The following IL1RAPL2 variants were observed in gnomAD, a reference collection of about 807,000 sequenced individuals.
IL1RAPL2 encodes X-linked interleukin-1 receptor accessory protein-like 2.
In IL1RAPL2, 3 loss-of-function variants were observed where a neutral mutation model predicts 44.1. The observed-to-expected ratio is 0.07, with a 90% CI of 0.03 to 0.18. The LOEUF is 0.18. IL1RAPL2 is among the 10% of genes least tolerant of loss of function. The probability of loss-of-function intolerance (pLI) is 1.00; values close to 1 mark genes in which losing one functional copy is unlikely to be tolerated. For missense variants in IL1RAPL2, 391 were observed against 496.4 expected (o/e 0.79, Z 2.02); for synonymous variants, 181 against 178.8 (o/e 1.01, Z -0.10).
At chrX:105,269,523 T>C (rs1799085928) in intron 5 of IL1RAPL2, among the ~76,000 whole-genome samples, 1 of 111,657 alleles carries the variant, frequency 9.0e-6, no homozygotes, top group Non-Finnish European at 1.9e-5. Context: ...TTGATTAGAA[T>C]TGCATGTTCT....
At chrX:105,491,867 A>G (rs2036321893) in intron 6 of IL1RAPL2, among the ~76,000 whole-genome samples, 1 of 111,857 alleles carries the variant, frequency 8.9e-6, no homozygotes, top group Non-Finnish European at 1.9e-5. Flanking sequence ...TGAGATTTTT[A>G]AGAATGAAAT....
At chrX:104,752,323 G>T (rs1932273404) in intron 2 of IL1RAPL2, among the ~76,000 whole-genome samples, 1 of 109,769 alleles carries the variant, frequency 9.1e-6, no homozygotes, top group Admixed American at 9.8e-5. Flanking sequence ...GGCTCTAATT[G>T]ATTTTGAAAA....
At chrX:104,766,071 T>G (rs1341185579) in intron 2 of IL1RAPL2, among the ~76,000 whole-genome samples, 1 of 112,390 alleles carries the variant, frequency 8.9e-6, no homozygotes, top group African/African-American at 3.2e-5. Context: ...ACTGTCTGCA[T>G]TGGCACAGTC....
chrX:104,950,882 G>A (rs1466587704), intron 2 of IL1RAPL2, among the ~76,000 whole-genome samples: 2 of 110,938 alleles, frequency 1.8e-5, no homozygotes, highest in Non-Finnish European at 3.8e-5. Flanking sequence ...TAATTCTGGT[G>A]CGCTGTTTTT....
chrX:104,837,665 C>T (rs1466905447), intron 2 of IL1RAPL2, among the ~76,000 whole-genome samples: 2 of 111,781 alleles, frequency 1.8e-5, no homozygotes, highest in East Asian at 5.6e-4. Flanking sequence ...AATTTTCTCC[C>T]ATTCTGTAGG....
At chrX:105,341,205 T>G (rs2035067424) in intron 5 of IL1RAPL2, among the ~76,000 whole-genome samples, 1 of 111,724 alleles carries the variant, frequency 9.0e-6, no homozygotes. Context: ...CATACATACT[T>G]GCAATTGCTT....
chrX:105,392,979 A>G (rs2035537627), intron 5 of IL1RAPL2, among the ~76,000 whole-genome samples: 1 of 112,656 alleles, frequency 8.9e-6, no homozygotes, highest in Non-Finnish European at 1.9e-5. Context: ...AATTAGAACT[A>G]ATGTACTAGC....
intron 2 of IL1RAPL2, among the ~76,000 whole-genome samples, chrX:104,716,594 G>A (rs985148446): frequency 2.5e-4 from 27 of 110,131 alleles, no homozygotes; most frequent in African/African-American, 4.9e-4. Context: ...AAACAATCCC[G>A]TTAAAAAATA....
chrX:104,582,608 C>CTT (rs1491085914), intron 1 of IL1RAPL2, among the ~76,000 whole-genome samples: 7 of 32,901 alleles, frequency 2.1e-4, no homozygotes, highest in African/African-American at 6.6e-4. Flanking sequence ...TTCTTTCTTT[C>CTT]TTTCTTTCTT....
chrX:104,737,419 G>A (rs746846597), intron 2 of IL1RAPL2, among the ~76,000 whole-genome samples: 11 of 112,171 alleles, frequency 9.8e-5, no homozygotes, highest in African/African-American at 3.5e-4. Flanking sequence ...ACAATTCACA[G>A]CCCAATTGAT....
At chrX:104,739,662 A>G (rs747437523) in intron 2 of IL1RAPL2, among the ~76,000 whole-genome samples, 1 of 112,147 alleles carries the variant, frequency 8.9e-6, no homozygotes, top group African/African-American at 3.2e-5. Flanking sequence ...AGAGAAAGGC[A>G]AGTAAGAAAG....
intron 6 of IL1RAPL2, among the ~76,000 whole-genome samples, chrX:105,683,287 C>G (rs763524468): frequency 8.9e-6 from 1 of 111,956 alleles, no homozygotes; most frequent in Admixed American, 9.5e-5. Context: ...CATAACTTTT[C>G]AAACTCAGGT....
At chrX:105,652,173 A>ACACAAC (rs2147843565) in intron 6 of IL1RAPL2, among the ~76,000 whole-genome samples, 1 of 111,848 alleles carries the variant, frequency 8.9e-6, no homozygotes, top group South Asian at 3.7e-4. Flanking sequence ...GTTGGCTGAC[A>ACACAAC]TGTAGGTATG....
intron 2 of IL1RAPL2, among the ~76,000 whole-genome samples, chrX:104,801,098 G>C (rs1932882570): frequency 8.9e-6 from 1 of 112,672 alleles, no homozygotes; most frequent in Non-Finnish European, 1.9e-5. Flanking sequence ...TCTTCCTGAA[G>C]GACTTGGGTG....
chrX:105,550,325 T>C (rs2036841220), intron 6 of IL1RAPL2, among the ~76,000 whole-genome samples: 1 of 112,180 alleles, frequency 8.9e-6, no homozygotes, highest in African/African-American at 3.2e-5. Flanking sequence ...GTGCCACTTA[T>C]TAAAAATGCT....
chrX:104,631,637 C>A (rs1354135531), intron 1 of IL1RAPL2, among the ~76,000 whole-genome samples: 2 of 112,134 alleles, frequency 1.8e-5, no homozygotes, highest in Admixed American at 9.5e-5. Flanking sequence ...TAAATGTCTT[C>A]TTCTGCGAAG....
At chrX:104,761,546 T>C (rs929044599) in intron 2 of IL1RAPL2, among the ~76,000 whole-genome samples, 6 of 108,073 alleles carry the variant, frequency 5.6e-5, no homozygotes, top group Non-Finnish European at 7.6e-5. Flanking sequence ...CAATCATGCC[T>C]GCCCAACAGT....
In IL1RAPL2 at chrX:105,092,408, T is replaced by A. The variant is rs1368034161; in HGVS notation, c.83-103067T>A. On this transcript the variant is annotated intron_variant, in intron 2 of 10. Transcript: ENST00000372582. ...TATACCAGAATCCAGAAGTACTAAA[T>A]ATAGAGCTTCCATTTTCCTCTCTCT... Among the ~76,000 whole-genome samples the A allele has an allele frequency of 5.4e-5, 6 of 111,676 alleles. No individual in the cohort carries two copies. In the Admixed American group the frequency reaches 5.7e-4, roughly 11 times the overall value.
chrX:105,146,957 G>A (rs1045648486), intron 2 of IL1RAPL2, among the ~76,000 whole-genome samples: 3 of 111,688 alleles, frequency 2.7e-5, no homozygotes, highest in Non-Finnish European at 1.9e-5. Flanking sequence ...GTGATTGGTT[G>A]AGTAGGCAAA....
Sources: gnomAD v4.1 joint callset for allele counts (sites outside exome capture counted in the v4.1 genomes callset) on GRCh38, gnomAD v4.1.1 for gene constraint, MANE v1.5 for transcripts, NCBI Gene and HGNC (gene_info 2026-07-23, HGNC 2026-07-21) for gene names.